Variants in RGS12 observed in about 807,000 individuals in gnomAD.
The protein encoded by RGS12 is regulator of G protein signaling 12, also known as regulator of G-protein signaling 12.
In RGS12, 66 loss-of-function variants were observed where a neutral mutation model predicts 120.1. The observed-to-expected ratio is 0.55, with a 90% CI of 0.45 to 0.67. The LOEUF is 0.67. Among genes scored for constraint, RGS12 ranks in the 30% least tolerant of loss-of-function variants. The probability of loss-of-function intolerance (pLI) is 0.00; values close to 1 mark genes in which losing one functional copy is unlikely to be tolerated. For missense variants in RGS12, 1,859 were observed against 1,957.7 expected, an observed-to-expected ratio of 0.95 and a Z score of 0.95; for synonymous variants, 827 against 804.7, an observed-to-expected ratio of 1.03 and a Z score of -0.47.
Position 3,430,592 on chromosome 4 carries a change from C to A in RGS12, c.3751C>A (p.Arg1251=), listed in dbSNP as rs142339779. Residue 1251 remains arginine (R), a synonymous_variant, in exon 17 of 18, where the codon CGG becomes AGG. Coordinates refer to ENST00000336727, the MANE Select transcript of RGS12 (RefSeq NM_001394154.1). ...FSKRSATGNG[R]ESASQPGEQW... ...CAAGAGAAGCGCCACAGGCAACGGC[C>A]GGGAGAGCGCCTCCCAGCCTGGCGA... 1.9e-5 allele frequency: 31 copies of A among 1,612,212 alleles called. No homozygotes were observed. The highest frequency in any genetic ancestry group is 2.3e-5 in the Non-Finnish European group (27 of 1,179,732).
At chr4:3,321,718 C>A (rs549948108) in intron 2 of RGS12, among the ~76,000 whole-genome samples, 5 of 152,228 alleles carry the variant, frequency 3.3e-5, no homozygotes, top group Non-Finnish European at 5.9e-5. Flanking sequence ...CTCCTCCCCC[C>A]AGTGGACTGC....
intron 4 of RGS12, among the ~76,000 whole-genome samples, chr4:3,402,614 C>T (rs1257613674): frequency 6.6e-6 from 1 of 151,998 alleles, no homozygotes; most frequent in East Asian, 1.9e-4. Context: ...ATTTGGGGCC[C>T]CTGGGCTTCT....
chr4:3,428,275 T>C (rs1237926547), intron 15 of RGS12, 106 bp downstream of exon 15: 13 of 1,060,532 alleles, frequency 1.2e-5, no homozygotes, highest in Non-Finnish European at 1.9e-5. Flanking sequence ...TATCACTGTG[T>C]GTCTCCCCCA....
At chr4:3,386,998 G>A (rs1489464381) in intron 4 of RGS12, among the ~76,000 whole-genome samples, 2 of 152,204 alleles carry the variant, frequency 1.3e-5, no homozygotes, top group Non-Finnish European at 2.9e-5. Context: ...TTATTTCACT[G>A]AAGATTTCTC....
At chr4:3,295,399 G>A (rs926557641) in intron 1 of RGS12, among the ~76,000 whole-genome samples, 6 of 152,116 alleles carry the variant, frequency 3.9e-5, no homozygotes, top group Non-Finnish European at 7.4e-5. Flanking sequence ...GTGACTTAAC[G>A]CCTGTAATAC....
chr4:3,425,643 G>T, intron 14 of RGS12, 83 bp downstream of exon 14: 2 of 886,758 alleles, frequency 2.3e-6, no homozygotes, highest in South Asian at 1.5e-5. Context: ...GTGCAGGGGA[G>T]GGGGTGAGTG....
Position 3,430,669 on chromosome 4 carries a change from C to G in RGS12, c.3828C>G (p.Gly1276=). The G allele has an allele frequency of 6.3e-7, 1 of 1,588,238 alleles. No homozygotes were observed. The change falls in exon 17 of 18, where the codon GGC becomes GGG. Residue 1276 remains glycine, a synonymous_variant. Coordinates refer to ENST00000336727, the MANE Select transcript of RGS12 (RefSeq NM_001394154.1). The part of the protein sequence containing the change: ...ESSDSPSTSP[G]SASSPPGPPG... ...GCGACAGCCCGTCCACCAGCCCGGG[C>G]TCAGCCTCCAGCCCCCCTGGACCTC... is the stretch of plus-strand genomic sequence containing the variant.
In RGS12 at chr4:3,317,380, G is replaced by T; in HGVS notation, c.1210G>T (p.Ala404Ser). ...GCTGATTGAGGGCATGCGGGCCCGC[G>T]CCTTTCTGGACGGGGACGCCGATGC... ...GELIEGMRAR[A>S]FLDGDADAHQ... The change falls in exon 2 of 18, where the codon GCC becomes TCC. Residue 404 changes from alanine (A) to serine (S), a missense_variant. Ala to Ser is a moderately conservative substitution (Grantham distance 99, BLOSUM62 1). This residue lies in a region of RGS12 where 967 missense variants were observed against 994.2 expected (regional missense o/e 0.97). Coordinates refer to ENST00000336727, the MANE Select transcript of RGS12 (RefSeq NM_001394154.1). The T allele has an allele frequency of 6.2e-7, 1 of 1,614,054 alleles. No homozygotes were observed. Among genetic ancestry groups the T allele is most frequent in the Non-Finnish European group, 8.5e-7 (1 of 1,180,022 alleles).
intron 3 of RGS12, among the ~76,000 whole-genome samples, chr4:3,347,426 A>G (rs765671385): frequency 6.6e-6 from 1 of 152,236 alleles, no homozygotes; most frequent in Non-Finnish European, 1.5e-5. Flanking sequence ...CCTAGGCAAC[A>G]GAGTGAGACT....
chr4:3,362,868 G>GGC (rs1560114939), intron 3 of RGS12, among the ~76,000 whole-genome samples: 2 of 121,708 alleles, frequency 1.6e-5, no homozygotes, highest in Admixed American at 8.1e-5. Flanking sequence ...TGTGTGCGAG[G>GGC]GTGTGTGTGT....
In RGS12 at chr4:3,390,599, A is replaced by C. The variant is rs755865794; in HGVS notation, c.2020+4162A>C. Reference sequence around the variant, plus strand: ...TCCTGGGCTGCTCTGCGCGCCTGCCAGGCTCTTCCAGTGCCTTCACCCAAC... The same window carrying C: ...TCCTGGGCTGCTCTGCGCGCCTGCCCGGCTCTTCCAGTGCCTTCACCCAAC... On this transcript the variant is annotated intron_variant, in intron 4 of 17. Transcript: ENST00000336727. This position sits in a 1 kb window ranked among gnomAD's most constrained non-coding sequence, Gnocchi z 4.6. Among the ~76,000 whole-genome samples the C allele has an allele frequency of 2.3e-4, 35 of 152,248 alleles. No individual in the cohort carries two copies. The highest frequency in any genetic ancestry group is 3.8e-4 in the Non-Finnish European group (26 of 68,050).
chr4:3,322,119 T>A (rs1203341450), intron 2 of RGS12, among the ~76,000 whole-genome samples: 1 of 152,214 alleles, frequency 6.6e-6, no homozygotes, highest in East Asian at 1.9e-4. Context: ...CTTGCTCCTG[T>A]GAAAGCCTGG....
At chr4:3,430,283 G>T in intron 16 of RGS12, 124 bp from the exon 17 acceptor site, 4 of 842,718 alleles carry the variant, frequency 4.7e-6, no homozygotes, top group Non-Finnish European at 7.5e-6. Flanking sequence ...AAGGGCTCTT[G>T]TTGACCCACA....
chr4:3,300,507 C>T (rs544898112), intron 1 of RGS12, among the ~76,000 whole-genome samples: 1 of 152,230 alleles, frequency 6.6e-6, no homozygotes, highest in South Asian at 2.1e-4. Flanking sequence ...CTAGGAGTTC[C>T]TGTGCCTGCT....
rs1276054033 is a variant in RGS12, at chr4:3,390,307, T to TC, written c.2020+3876dup. Among the ~76,000 whole-genome samples, 2 of 152,086 alleles carry TC rather than the reference T, an allele frequency of 1.3e-5. No individual in the cohort carries two copies. ...TTATTCATCTGTGTTGGTGCTTTTGTCCCCCCAGCTGGTGTGACCTCCACG... is the reference window on the plus strand; with the variant it reads ...TTATTCATCTGTGTTGGTGCTTTTGTCCCCCCCAGCTGGTGTGACCTCCACG... On this transcript the variant is annotated intron_variant, in intron 4 of 17. Transcript: ENST00000336727. The surrounding 1 kb of genome is among the most constrained non-coding windows in gnomAD (Gnocchi z 4.6).
At chr4:3,363,534 C>T (rs532534586) in intron 3 of RGS12, among the ~76,000 whole-genome samples, 1 of 151,208 alleles carries the variant, frequency 6.6e-6, no homozygotes, top group Non-Finnish European at 1.5e-5. Context: ...CGGCAAGAGG[C>T]GAGACGGACA....
chr4:3,397,506 G>A (rs1720156445), intron 4 of RGS12, among the ~76,000 whole-genome samples: 1 of 152,216 alleles, frequency 6.6e-6, no homozygotes, highest in African/African-American at 2.4e-5. Flanking sequence ...ACATGTCCAT[G>A]GGAGGAGCAG....
At chr4:3,436,505 A>G (rs1724817873) in intron 17 of RGS12, among the ~76,000 whole-genome samples, 1 of 152,126 alleles carries the variant, frequency 6.6e-6, no homozygotes, top group South Asian at 2.1e-4. Flanking sequence ...GGGGGCAGGA[A>G]GGGCGGGCAG....
chr4:3,305,452 G>A (rs944334890), intron 1 of RGS12, among the ~76,000 whole-genome samples: 4 of 152,122 alleles, frequency 2.6e-5, no homozygotes, highest in African/African-American at 4.8e-5. Flanking sequence ...AGAGTCCCGC[G>A]TCATCCTCTA....
Sources: allele counts gnomAD v4.1 joint callset (sites outside exome capture counted in the v4.1 genomes callset), GRCh38; gene constraint gnomAD v4.1.1; regional missense constraint gnomAD v4.1.1; non-coding constraint Gnocchi (gnomAD v3.1); transcripts MANE v1.5; gene names NCBI Gene and HGNC (gene_info 2026-07-23, HGNC 2026-07-21).